SSBP3: variants seen among roughly 807,000 people sequenced by gnomAD.
The protein encoded by SSBP3 is single-stranded DNA-binding protein 3.
Under a neutral mutation model 69.6 loss-of-function variants are expected in SSBP3, and 5 were observed. That is an observed-to-expected ratio of 0.07 (90% confidence interval 0.04 to 0.15). The LOEUF (loss-of-function observed/expected upper bound fraction) is 0.15. Among genes scored for constraint, SSBP3 ranks in the 10% least tolerant of loss-of-function variants. The probability of loss-of-function intolerance (pLI) is 1.00; values close to 1 mark genes in which losing one functional copy is unlikely to be tolerated. For synonymous variants in SSBP3, 196 were observed against 193.4 expected (o/e 1.01, Z -0.11); for missense variants, 312 against 534.0 (o/e 0.58, Z 4.10).
At chr1:54,402,061 C>A in intron 3 of SSBP3, 116 bp from the exon 4 acceptor site, 1 of 780,696 alleles carries the variant, frequency 1.3e-6, no homozygotes, top group Non-Finnish European at 2.0e-6. Context: ...TCAATCCCAC[C>A]TTATCAGCTC....
At chr1:54,367,715 A>G (rs1170651386) in intron 4 of SSBP3, among the ~76,000 whole-genome samples, 3 of 152,236 alleles carry the variant, frequency 2.0e-5, no homozygotes, top group Non-Finnish European at 4.4e-5. Context: ...ACTAGGAAGT[A>G]AAACTCAAAT....
At chr1:54,403,577 A>G (rs1649460205) in intron 3 of SSBP3, among the ~76,000 whole-genome samples, 1 of 152,058 alleles carries the variant, frequency 6.6e-6, no homozygotes, top group African/African-American at 2.4e-5. Context: ...TTAAAAACTC[A>G]TTTTCTCTGC....
chr1:54,232,239 C>A (rs1644392227), intron 14 of SSBP3, among the ~76,000 whole-genome samples: 1 of 152,200 alleles, frequency 6.6e-6, no homozygotes, highest in Non-Finnish European at 1.5e-5. Flanking sequence ...TATAACGTTT[C>A]TGTCCTCTGA....
intron 7 of SSBP3, among the ~76,000 whole-genome samples, chr1:54,256,843 G>A (rs879426675): frequency 1.3e-5 from 2 of 152,146 alleles, no homozygotes; most frequent in Admixed American, 6.5e-5. Flanking sequence ...TAGAATAGCC[G>A]AAACCCTGCA....
At chr1:54,310,396 A>G (rs1010598776) in intron 4 of SSBP3, among the ~76,000 whole-genome samples, 4 of 151,958 alleles carry the variant, frequency 2.6e-5, no homozygotes, top group African/African-American at 9.7e-5. Flanking sequence ...TGGTTTTTCT[A>G]CTGGGGGGTG....
intron 4 of SSBP3, among the ~76,000 whole-genome samples, chr1:54,359,466 C>G (rs760486538): frequency 1.3e-5 from 2 of 152,138 alleles, no homozygotes; most frequent in African/African-American, 4.8e-5. Context: ...AAGCCCTTCA[C>G]GCTTTAAAAC....
At chr1:54,321,252 T>C (rs1019414663) in intron 4 of SSBP3, among the ~76,000 whole-genome samples, 2 of 152,236 alleles carry the variant, frequency 1.3e-5, no homozygotes, top group Non-Finnish European at 2.9e-5. Flanking sequence ...GAGAATGCCC[T>C]CAAGACTGCA....
At chr1:54,306,247 C>A (rs1645899501) in intron 4 of SSBP3, among the ~76,000 whole-genome samples, 1 of 152,164 alleles carries the variant, frequency 6.6e-6, no homozygotes, top group Non-Finnish European at 1.5e-5. Flanking sequence ...TACACACTTG[C>A]TAAGTGAAAG....
chr1:54,339,245 G>A (rs1204892623), intron 4 of SSBP3, among the ~76,000 whole-genome samples: 1 of 152,224 alleles, frequency 6.6e-6, no homozygotes, highest in African/African-American at 2.4e-5. Flanking sequence ...GAATGTTAAG[G>A]ATTAAATGGA....
chr1:54,328,234 T>G (rs866251235), intron 4 of SSBP3, among the ~76,000 whole-genome samples: 7 of 152,238 alleles, frequency 4.6e-5, no homozygotes, highest in Middle Eastern at 3.4e-3. Context: ...GACCACATCG[T>G]CCAGTGTGTT....
At chr1:54,404,809 G>A (rs766619298) in intron 2 of SSBP3, 49 bp downstream of exon 2, 1 of 225,520 alleles carries the variant, frequency 4.4e-6, no homozygotes, top group South Asian at 5.6e-5. Context: ...TAAGAATAGT[G>A]GGGGGGGGGG....
intron 4 of SSBP3, among the ~76,000 whole-genome samples, chr1:54,329,596 G>A (rs1416992291): frequency 1.3e-5 from 2 of 152,226 alleles, no homozygotes; most frequent in Non-Finnish European, 2.9e-5. Context: ...TACAGGGGAG[G>A]TGAGCAAGCC....
chr1:54,244,271 T>A (rs1158257824), intron 9 of SSBP3, among the ~76,000 whole-genome samples: 1 of 152,132 alleles, frequency 6.6e-6, no homozygotes, highest in African/African-American at 2.4e-5. Context: ...GTCGGGCTGA[T>A]ATTTGTATTT....
At chr1:54,231,196 G>A (rs543708464) in intron 14 of SSBP3, among the ~76,000 whole-genome samples, 3 of 152,076 alleles carry the variant, frequency 2.0e-5, no homozygotes, top group Non-Finnish European at 4.4e-5. Flanking sequence ...CCACACCCTC[G>A]CCAACACCAG....
At chr1:54,410,399 G>C (rs1338305880), upstream of SSBP3, among the ~76,000 whole-genome samples, 1 of 152,206 alleles carries the variant, frequency 6.6e-6, no homozygotes. Flanking sequence ...TGCTTGCCAA[G>C]GATGCCAGAA....
intron 4 of SSBP3, among the ~76,000 whole-genome samples, chr1:54,358,794 G>A (rs956312314): frequency 3.3e-5 from 5 of 152,188 alleles, no homozygotes; most frequent in African/African-American, 9.7e-5. Flanking sequence ...TCCGCCCACA[G>A]CTCTGAATAA....
intron 5 of SSBP3, among the ~76,000 whole-genome samples, chr1:54,266,913 G>GTCCA (rs1645112464): frequency 6.6e-6 from 1 of 152,194 alleles, no homozygotes; most frequent in African/African-American, 2.4e-5. Flanking sequence ...CAGCGCTCAC[G>GTCCA]TCCAGCTGGC....
chr1:54,271,536 AG>A (rs1645193686), intron 5 of SSBP3, among the ~76,000 whole-genome samples: 1 of 152,234 alleles, frequency 6.6e-6, no homozygotes, highest in Non-Finnish European at 1.5e-5. Context: ...GGTCACTGCC[AG>A]GATCACACTG....
chr1:54,404,964 G>A (rs781546938), intron 1 of SSBP3, 34 bp from the exon 2 acceptor site: 17 of 1,589,684 alleles, frequency 1.1e-5, no homozygotes, highest in African/African-American at 8.1e-5. Flanking sequence ...GAGAGAGAGG[G>A]AAAGGCGTCA....
Sources: gnomAD v4.1 joint callset for allele counts (sites outside exome capture counted in the v4.1 genomes callset) on GRCh38, gnomAD v4.1.1 for gene constraint, MANE v1.5 for transcripts, NCBI Gene and HGNC (gene_info 2026-07-23, HGNC 2026-07-21) for gene names.